Variants in LHFPL4 observed in about 807,000 individuals in gnomAD.
LHFPL4 encodes LHFPL tetraspan subfamily member 4 protein.
A neutral mutation model predicts 20.0 loss-of-function variants in LHFPL4; 6 were observed. That is an observed-to-expected ratio of 0.30 (90% CI 0.16 to 0.59). The LOEUF is 0.59. Among genes scored for constraint, LHFPL4 ranks in the 20% least tolerant of loss-of-function variants. The probability of loss-of-function intolerance (pLI) is 0.88; values close to 1 mark genes in which losing one functional copy is unlikely to be tolerated. For synonymous variants in LHFPL4, 129 were observed against 143.8 expected (o/e 0.90, Z 0.74); for missense variants, 215 against 331.2 (o/e 0.65, Z 2.72).
chr3:9,523,242 C>T (rs1368734125), intron 2 of LHFPL4, among the ~76,000 whole-genome samples: 10 of 142,910 alleles, frequency 7.0e-5, no homozygotes, highest in Non-Finnish European at 1.4e-4. Flanking sequence ...ATTAGCCGGG[C>T]GTGGTGGGCA....
chr3:9,548,504 A>G (rs2046532036), intron 2 of LHFPL4, among the ~76,000 whole-genome samples: 1 of 151,888 alleles, frequency 6.6e-6, no homozygotes, highest in Non-Finnish European at 1.5e-5. Context: ...TCCATTCAGG[A>G]TGCTCTCTCA....
At chr3:9,536,403 G>C (rs1173687255) in intron 2 of LHFPL4, among the ~76,000 whole-genome samples, 1 of 152,102 alleles carries the variant, frequency 6.6e-6, no homozygotes, top group Non-Finnish European at 1.5e-5. Flanking sequence ...TAGATGCTGA[G>C]GCCAGCCTGG....
intron 2 of LHFPL4, among the ~76,000 whole-genome samples, chr3:9,548,652 C>T (rs1401706553): frequency 6.6e-6 from 1 of 152,242 alleles, no homozygotes; most frequent in Non-Finnish European, 1.5e-5. Context: ...GGGAAAACTT[C>T]TGTTGGCGCT....
At chr3:9,549,476 A>G (rs1221146246) in intron 2 of LHFPL4, among the ~76,000 whole-genome samples, 1 of 152,140 alleles carries the variant, frequency 6.6e-6, no homozygotes, top group Non-Finnish European at 1.5e-5. Context: ...CGGGTGGATC[A>G]CCTGAGGTCA....
Position 9,499,231 on chromosome 3 carries a change from G to T in LHFPL4, c.*2980C>A, listed in dbSNP as rs2046153193. The T allele has an allele frequency of 6.6e-6, 1 of 152,300 alleles. No homozygotes were observed. The allele number at this position is 152,300 out of a possible 1,614,324, so 9.4% of individuals were successfully genotyped here. ...GCCAGATCGCCCGACGAGAGCAGAG[G>T]CAAACCACAAAGCCCCCTTCCCATG... On this transcript the variant is annotated 3_prime_UTR_variant, in exon 4 of 4. Transcript: ENST00000287585.
chr3:9,533,370 T>C (rs891380767), intron 2 of LHFPL4, among the ~76,000 whole-genome samples: 1 of 152,200 alleles, frequency 6.6e-6, no homozygotes, highest in African/African-American at 2.4e-5. Flanking sequence ...CAAAATAGTA[T>C]ACAGCAGTGA....
intron 2 of LHFPL4, among the ~76,000 whole-genome samples, chr3:9,524,591 T>C (rs562909775): frequency 6.6e-6 from 1 of 152,308 alleles, no homozygotes; most frequent in East Asian, 1.9e-4. Context: ...TCTCTAGCAT[T>C]TATTTTTGGT....
intron 3 of LHFPL4, among the ~76,000 whole-genome samples, chr3:9,504,597 A>G (rs1381255189): frequency 6.6e-6 from 1 of 152,072 alleles, no homozygotes; most frequent in Non-Finnish European, 1.5e-5. Context: ...AGGCCAAGGC[A>G]GGCGGATCAC....
chr3:9,541,022 C>T (rs1289743692), intron 2 of LHFPL4, among the ~76,000 whole-genome samples: 1 of 152,070 alleles, frequency 6.6e-6, no homozygotes, highest in African/African-American at 2.4e-5. Flanking sequence ...TCACTGCAAC[C>T]TCTGCCTCCT....
Position 9,501,875 on chromosome 3 carries a change from T to C in LHFPL4, c.*336A>G. Reference sequence around the variant, plus strand: ...TCCAGACTGAGGGGGCCTGGGGAGCTGGAACTACAGCTCCGCTCTCCCTGG... The same window carrying C: ...TCCAGACTGAGGGGGCCTGGGGAGCCGGAACTACAGCTCCGCTCTCCCTGG... On this transcript the variant is annotated 3_prime_UTR_variant, in exon 4 of 4. Transcript: ENST00000287585. The C allele has an allele frequency of 3.7e-6, 1 of 271,080 alleles. No individual in the cohort carries two copies. The highest frequency in any genetic ancestry group is 7.0e-6 in the Non-Finnish European group (1 of 143,376). 16.8% of individuals were successfully genotyped at this position (271,080 alleles called of 1,614,324 possible). A position where few individuals can be genotyped will look rare whatever the true frequency, so the allele number is the denominator to read the frequency against.
At chr3:9,542,393 C>T (rs561851229) in intron 2 of LHFPL4, among the ~76,000 whole-genome samples, 3 of 152,308 alleles carry the variant, frequency 2.0e-5, no homozygotes, top group East Asian at 1.9e-4. Context: ...ATAAACAAAA[C>T]ATGGTATGCC....
chr3:9,527,513 C>T (rs575254506), intron 2 of LHFPL4, among the ~76,000 whole-genome samples: 6 of 152,032 alleles, frequency 3.9e-5, no homozygotes, highest in African/African-American at 1.4e-4. Flanking sequence ...GCCCAGGAGT[C>T]AAAATCAGCC....
chr3:9,537,343 G>A (rs2046450066), intron 2 of LHFPL4, among the ~76,000 whole-genome samples: 2 of 152,136 alleles, frequency 1.3e-5, no homozygotes, highest in South Asian at 4.1e-4. Flanking sequence ...ACCTTGAGGG[G>A]CTCACAGTTT....
chr3:9,536,873 C>G (rs1282751963), intron 2 of LHFPL4, among the ~76,000 whole-genome samples: 2 of 150,602 alleles, frequency 1.3e-5, no homozygotes, highest in Non-Finnish European at 2.9e-5. Context: ...GAGCTGAGAT[C>G]GCGCCACTGC....
rs2046565326 is a variant in LHFPL4, at chr3:9,552,806, G to A, written c.-127C>T. 1 of 394,830 alleles carries A rather than the reference G, an allele frequency of 2.5e-6. No homozygotes were observed. Among genetic ancestry groups the A allele is most frequent in the Non-Finnish European group, 3.6e-6 (1 of 280,324 alleles). The allele number at this position is 394,830 out of a possible 1,614,324, so 24.5% of individuals were successfully genotyped here. On this transcript the variant is annotated 5_prime_UTR_variant, in exon 2 of 4. Coordinates refer to ENST00000287585, the MANE Select transcript of LHFPL4 (RefSeq NM_198560.3). ...AGCGGCCCTGAGTCAAGGAACCCGC[G>A]AGGGCGGGGCCTGGGGCAGAGCTGG...
chr3:9,508,554 C>A (rs567346830), intron 2 of LHFPL4, among the ~76,000 whole-genome samples: 4 of 152,318 alleles, frequency 2.6e-5, no homozygotes, highest in African/African-American at 9.6e-5. Context: ...GGACTCTGGG[C>A]ACTTTAGGTA....
At chr3:9,550,855 T>G (rs778610536) in intron 2 of LHFPL4, 8 of 152,184 alleles carry the variant, frequency 5.3e-5, no homozygotes, top group Non-Finnish European at 8.8e-5. Flanking sequence ...AAATAGTCCT[T>G]TTAGGAGTTT....
chr3:9,550,290 C>T (rs148315992), intron 2 of LHFPL4, among the ~76,000 whole-genome samples: 1 of 152,198 alleles, frequency 6.6e-6, no homozygotes, highest in East Asian at 1.9e-4. Flanking sequence ...CTGCTCAACT[C>T]TGCCAACTGC....
intron 2 of LHFPL4, among the ~76,000 whole-genome samples, chr3:9,545,015 G>A (rs1464287841): frequency 6.6e-6 from 1 of 152,086 alleles, no homozygotes; most frequent in Non-Finnish European, 1.5e-5. Context: ...CTGGGAGCAA[G>A]GATTCTTACT....
Sources: allele counts gnomAD v4.1 joint callset (sites outside exome capture counted in the v4.1 genomes callset), GRCh38; gene constraint gnomAD v4.1.1; transcripts MANE v1.5; gene names NCBI Gene and HGNC (gene_info 2026-07-23, HGNC 2026-07-21).